Variants in PSD observed in about 807,000 individuals in gnomAD.
The protein encoded by PSD is pleckstrin and Sec7 domain containing.
A neutral mutation model predicts 91.6 loss-of-function variants in PSD; 32 were observed. The observed-to-expected ratio is 0.35, with a 90% confidence interval of 0.26 to 0.47. PSD has a LOEUF of 0.47. Among genes scored for constraint, PSD ranks in the 20% least tolerant of loss-of-function variants. The pLI, the probability that PSD is intolerant of heterozygous loss-of-function variation, is 1.00. For synonymous variants in PSD, 532 were observed against 569.3 expected (o/e 0.93, Z 0.93); for missense variants, 1,099 against 1,373.9 (o/e 0.80, Z 3.16).
chr10:102,407,176 C>CG, intron 11 of PSD, 47 bp downstream of exon 11: 1 of 1,564,926 alleles, frequency 6.4e-7, no homozygotes, highest in Non-Finnish European at 8.7e-7. Context: ...CAGGCAGCCC[C>CG]TTCCCCATGC....
Position 102,416,847 on chromosome 10 carries a change from T to C in PSD, c.192A>G (p.Thr64=). 1.2e-6 allele frequency: 2 copies of C among 1,600,688 alleles called. No homozygotes were observed. Residue 64 remains threonine (T), a synonymous_variant, in exon 2 of 17, where the codon ACA becomes ACG. Coordinates refer to ENST00000020673, the MANE Select transcript of PSD (RefSeq NM_002779.5). This position sits in a 1 kb window ranked among gnomAD's most constrained non-coding sequence, Gnocchi z 6.0. ...GPRGRELGRV[T]APCTPLRGPP... Reference sequence around the variant, plus strand: ...GGCCACGCAGAGGTGTACAGGGTGCTGTCACACGTCCCAGTTCCCGGCCTC... The same window carrying C: ...GGCCACGCAGAGGTGTACAGGGTGCCGTCACACGTCCCAGTTCCCGGCCTC...
At chr10:102,412,611 G>A (rs1026848563) in intron 5 of PSD, 36 bp from the exon 6 acceptor site, 5 of 1,576,284 alleles carry the variant, frequency 3.2e-6, no homozygotes, top group East Asian at 2.3e-5. Flanking sequence ...GCTGGGGCAG[G>A]GTCCTTAGGA....
chr10:102,415,038 T>C lies in PSD; in HGVS notation c.949A>G (p.Ser317Gly), dbSNP rs998700456. Residue 317 changes from serine (S) to glycine (G), a missense_variant, in exon 4 of 17, where the codon AGT (serine) becomes GGT (glycine). Ser to Gly is a moderately conservative substitution (Grantham distance 56). This residue lies in a region of PSD where 631 missense variants were observed against 728.8 expected (regional missense o/e 0.87). Coordinates refer to ENST00000020673, the MANE Select transcript of PSD (RefSeq NM_002779.5). ...EREEADSAIE[S>G]QPSSEGPPGT... ...GGTGGGCCCTCAGAGCTGGGCTGAC[T>C]TTCGATGGCCGAGTCGGCCTCCTCC... is the stretch of plus-strand genomic sequence containing the variant. 1 of 1,613,778 alleles carries C rather than the reference T, an allele frequency of 6.2e-7. No homozygotes were observed. Among genetic ancestry groups the C allele is most frequent in the Non-Finnish European group, 8.5e-7 (1 of 1,179,896 alleles).
In PSD at chr10:102,403,781, A is replaced by G. The variant is rs2061317548; in HGVS notation, c.2844+61T>C. The G allele has an allele frequency of 1.3e-6, 2 of 1,549,938 alleles. No individual in the cohort carries two copies. The highest frequency in any genetic ancestry group is 8.7e-7 in the Non-Finnish European group (1 of 1,143,514). ...CCGGCCGGTTCCACTGTTAGAGTTC[A>G]TGCCCTTCACCCTAGTATGGGCCTG... On this transcript the variant is annotated intron_variant, in intron 16 of 16. Transcript: ENST00000020673. This position sits in a 1 kb window ranked among gnomAD's most constrained non-coding sequence, Gnocchi z 6.7.
At position 102,403,482 on chromosome 10, in the gene PSD, C is replaced by T. The variant is rs865891875; in HGVS notation, c.2845-52G>A. ...GAGCCTCTTCTCTGCCTTCTGCCCA[C>T]CCCACCATCTGGACCAGGGAGGGCC... On this transcript the variant is annotated intron_variant, in intron 16 of 16. Coordinates refer to ENST00000020673, the MANE Select transcript of PSD (RefSeq NM_002779.5). This position sits in a 1 kb window ranked among gnomAD's most constrained non-coding sequence, Gnocchi z 6.7. 1.3e-6 allele frequency: 2 copies of T among 1,507,920 alleles called. No homozygotes were observed. The highest frequency in any genetic ancestry group is 8.9e-7 in the Non-Finnish European group (1 of 1,118,298). 93.4% of individuals were successfully genotyped at this position (1,507,920 alleles called of 1,614,324 possible). A position where few individuals can be genotyped will look rare whatever the true frequency, so the allele number is the denominator to read the frequency against.
chr10:102,416,461 G>C lies in PSD; in HGVS notation c.578C>G (p.Pro193Arg). 1 of 1,613,320 alleles carries C rather than the reference G, an allele frequency of 6.2e-7. No homozygotes were observed. Among genetic ancestry groups the C allele is most frequent in the Non-Finnish European group, 8.5e-7 (1 of 1,179,686 alleles). ...CTCAGGGGGGCCCCCCAGCCCATTG[G>C]GGAGAGAGGAGTAAAGGCCATCTGC... is the stretch of plus-strand genomic sequence containing the variant. ...VGADGLYSSL[P>R]NGLGGPPERL... is the part of the protein sequence containing the mutation. The change falls in exon 2 of 17, where the codon CCC becomes CGC. Residue 193 changes from proline to arginine, a missense_variant. Pro to Arg is a moderately radical substitution (Grantham distance 103). This residue lies in a region of PSD where 631 missense variants were observed against 728.8 expected (regional missense o/e 0.87). Coordinates refer to ENST00000020673, the MANE Select transcript of PSD (RefSeq NM_002779.5). This position sits in a 1 kb window ranked among gnomAD's most constrained non-coding sequence, Gnocchi z 6.0.
chr10:102,413,497 G>C (rs2061444345), intron 5 of PSD, among the ~76,000 whole-genome samples: 1 of 152,092 alleles, frequency 6.6e-6, no homozygotes, highest in East Asian at 1.9e-4. Context: ...CTCCAGGAGA[G>C]CAAGAAGGGT....
At chr10:102,408,819 G>C (rs1229736730) in intron 10 of PSD, 2 of 938,212 alleles carry the variant, frequency 2.1e-6, no homozygotes, top group South Asian at 9.9e-5. Context: ...GGTTGGCACC[G>C]CCCTCGGTGC....
upstream of PSD, chr10:102,419,909 A>G (rs1161771014): frequency 7.8e-6 from 2 of 257,808 alleles, no homozygotes; most frequent in African/African-American, 4.7e-5. The surrounding 1 kb of genome is among the most constrained non-coding windows in gnomAD (Gnocchi z 4.8). Context: ...CCCCGCTGCT[A>G]GCTTCTCCCT....
Position 102,411,944 on chromosome 10 carries a change from G to A in PSD, c.1830-125C>T, listed in dbSNP as rs529380462. On this transcript the variant is annotated intron_variant, in intron 7 of 16. Coordinates refer to ENST00000020673, the MANE Select transcript of PSD (RefSeq NM_002779.5). ...AAGGGGAGGAGAGAAAGGGGATGAGGGTATGCACCCTGACCCTCCACCCAT... is the reference window on the plus strand; with the variant it reads ...AAGGGGAGGAGAGAAAGGGGATGAGAGTATGCACCCTGACCCTCCACCCAT... The A allele has an allele frequency of 3.8e-5, 34 of 897,170 alleles. No homozygotes were observed. The South Asian group carries it at 4.4e-4, about 11-fold the overall frequency. The allele number at this position is 897,170 out of a possible 1,614,324, so 55.6% of individuals were successfully genotyped here.
Position 102,414,970 on chromosome 10 carries a change from A to G in PSD, c.1017T>C (p.Pro339=). Residue 339 remains proline (P), a synonymous_variant, in exon 4 of 17, where the codon CCT becomes CCC. Transcript: ENST00000020673. This position sits in a 1 kb window ranked among gnomAD's most constrained non-coding sequence, Gnocchi z 5.6. The part of the protein sequence containing the change: ...YPPAPRPGPL[P]GPHPSLGSGN... ...CACTGCCGAGGCTGGGATGAGGGCC[A>G]GGGAGTGGGCCGGGCCGTGGGGCAG... is the stretch of plus-strand genomic sequence containing the variant. 2 of 1,586,042 alleles carry G rather than the reference A, an allele frequency of 1.3e-6. No individual in the cohort carries two copies. The highest frequency in any genetic ancestry group is 4.5e-5 in the East Asian group (2 of 44,372).
At chr10:102,406,355 T>G (rs898530067) in intron 11 of PSD, among the ~76,000 whole-genome samples, 3 of 152,180 alleles carry the variant, frequency 2.0e-5, no homozygotes, top group Non-Finnish European at 4.4e-5. Context: ...GGAGTCTCAG[T>G]GGATAACGGC....
Position 102,403,441 on chromosome 10 carries a change from G to A in PSD, c.2845-11C>T, listed in dbSNP as rs747499744. 1.3e-6 allele frequency: 2 copies of A among 1,594,442 alleles called. No homozygotes were observed. Among genetic ancestry groups the A allele is most frequent in the Non-Finnish European group, 1.7e-6 (2 of 1,171,112 alleles). ...GCTGTAGCGGGATTTCTGAGGCAGA[G>A]GGGCAGGGGCTGTGAGAGCCTCTTC... On this transcript the variant is annotated splice_polypyrimidine_tract_variant and intron_variant, in intron 16 of 16. Coordinates refer to ENST00000020673, the MANE Select transcript of PSD (RefSeq NM_002779.5). The surrounding 1 kb of genome is among the most constrained non-coding windows in gnomAD (Gnocchi z 6.7).
chr10:102,403,257 A>G lies in PSD; in HGVS notation c.3018T>C (p.Ala1006=), dbSNP rs2061306099. 1.2e-6 allele frequency: 2 copies of G among 1,608,346 alleles called. No individual in the cohort carries two copies. The highest frequency in any genetic ancestry group is 8.5e-7 in the Non-Finnish European group (1 of 1,176,330). ...LQPKPSSQPR[A]QRHSSEPRPG... ...GCCGAGGCTCTGAGCTGTGACGCTG[A>G]GCCCGGGGCTGGCTGGAGGGTTTGG... is the stretch of plus-strand genomic sequence containing the variant. Residue 1006 remains alanine, a synonymous_variant, in exon 17 of 17, where the codon GCT becomes GCC. Coordinates refer to ENST00000020673, the MANE Select transcript of PSD (RefSeq NM_002779.5). This position sits in a 1 kb window ranked among gnomAD's most constrained non-coding sequence, Gnocchi z 6.7.
Position 102,405,866 on chromosome 10 carries a change from G to A in PSD, c.2136-330C>T, listed in dbSNP as rs1178444205. ...CCAGGACAGCCCCGGGCCTGCCTCCGCTGGCTCAACCACATCCAGCCCCAG... is the reference window on the plus strand; with the variant it reads ...CCAGGACAGCCCCGGGCCTGCCTCCACTGGCTCAACCACATCCAGCCCCAG... On this transcript the variant is annotated intron_variant, in intron 11 of 16. Transcript: ENST00000020673. This position sits in a 1 kb window ranked among gnomAD's most constrained non-coding sequence, Gnocchi z 5.4. 9 of 261,156 alleles carry A rather than the reference G, an allele frequency of 3.4e-5. No homozygotes were observed. Among genetic ancestry groups the A allele is most frequent in the South Asian group, 2.2e-4 (2 of 9,216 alleles). 16.2% of individuals were successfully genotyped at this position (261,156 alleles called of 1,614,324 possible).
At position 102,415,136 on chromosome 10, in the gene PSD, G is replaced by T. The variant is rs1565227883; in HGVS notation, c.851C>A (p.Ser284Tyr). Residue 284 changes from serine to tyrosine, a missense_variant, in exon 4 of 17, where the codon TCC (serine) becomes TAC (tyrosine). Ser to Tyr is a moderately radical substitution (Grantham distance 144). Coordinates refer to ENST00000020673, the MANE Select transcript of PSD (RefSeq NM_002779.5). Reference protein sequence around the residue: ...GVAVGRAAKYSETDLDTVPLR... With the variant: ...GVAVGRAAKYYETDLDTVPLR... ...GGGCACCGTGTCCAGGTCTGTCTCG[G>T]AGTACTTGGCTGCTCGCCCCACAGC... 6.2e-7 allele frequency: 1 copy of T among 1,613,708 alleles called. No homozygotes were observed. The highest frequency in any genetic ancestry group is 8.5e-7 in the Non-Finnish European group (1 of 1,180,022).
At position 102,414,147 on chromosome 10, in the gene PSD, G is replaced by T; in HGVS notation, c.1175C>A (p.Thr392Lys). 6.2e-7 allele frequency: 1 copy of T among 1,613,900 alleles called. No homozygotes were observed. Among genetic ancestry groups the T allele is most frequent in the Non-Finnish European group, 8.5e-7 (1 of 1,179,902 alleles). The change falls in exon 5 of 17, where the codon ACG becomes AAG. Residue 392 changes from threonine to lysine, a missense_variant. This residue lies in a region of PSD where 631 missense variants were observed against 728.8 expected (regional missense o/e 0.87). Coordinates refer to ENST00000020673, the MANE Select transcript of PSD (RefSeq NM_002779.5). This position sits in a 1 kb window ranked among gnomAD's most constrained non-coding sequence, Gnocchi z 5.6. ...GTCAGGCCCATCAGCCGAGGGGCTCGTCCCAGGTAGAAAGGGCACAGGTGA... is the reference window on the plus strand; with the variant it reads ...GTCAGGCCCATCAGCCGAGGGGCTCTTCCCAGGTAGAAAGGGCACAGGTGA... ...LKSPVPFLPG[T>K]SPSADGPDSF...
At chr10:102,411,315 T>G (rs1314650972) in intron 8 of PSD, among the ~76,000 whole-genome samples, 199 bp from the exon 9 acceptor site, 1 of 43,052 alleles carries the variant, frequency 2.3e-5, no homozygotes, top group East Asian at 7.8e-4. Flanking sequence ...CTCCCTCAAG[T>G]ACTGAGGGCT....
chr10:102,405,293 G>A lies in PSD; in HGVS notation c.2327-40C>T. On this transcript the variant is annotated intron_variant, in intron 12 of 16. Transcript: ENST00000020673. This position sits in a 1 kb window ranked among gnomAD's most constrained non-coding sequence, Gnocchi z 5.4. ...GACAGGTCAGGGGGCCCTGGAACAG[G>A]CCCACTCCCATCCATCCCCTAGACG... The A allele has an allele frequency of 6.2e-7, 1 of 1,609,198 alleles. No homozygotes were observed.
Sources: gnomAD v4.1 joint callset for allele counts (sites outside exome capture counted in the v4.1 genomes callset) on GRCh38, gnomAD v4.1.1 for gene constraint, gnomAD v4.1.1 regional missense constraint, Gnocchi (gnomAD v3.1) non-coding constraint, MANE v1.5 for transcripts, NCBI Gene and HGNC (gene_info 2026-07-23, HGNC 2026-07-21) for gene names.